The following PAPPA2 variants were observed in gnomAD, a reference collection of about 807,000 sequenced individuals.
PAPPA2 encodes pappalysin 2.
Under a neutral mutation model 176.4 loss-of-function variants are expected in PAPPA2, and 86 were observed. The observed-to-expected ratio is 0.49, with a 90% CI of 0.41 to 0.58. The LOEUF is 0.58. Ranked by LOEUF, PAPPA2 falls within the 20% of genes least tolerant of loss-of-function variation. The pLI, the probability that PAPPA2 is intolerant of heterozygous loss-of-function variation, is 0.00. For synonymous variants in PAPPA2, 809 were observed against 852.2 expected (o/e 0.95, Z 0.88); for missense variants, 2,073 against 2,256.9 (o/e 0.92, Z 1.65).
At chr1:176,759,862 G>T (rs1663608841) in intron 14 of PAPPA2, among the ~76,000 whole-genome samples, 1 of 152,142 alleles carries the variant, frequency 6.6e-6, no homozygotes, top group Non-Finnish European at 1.5e-5. Context: ...ATTGAAAGAT[G>T]CAGGAAGACT....
chr1:176,718,937 T>G (rs911558805), intron 12 of PAPPA2, among the ~76,000 whole-genome samples: 3 of 152,090 alleles, frequency 2.0e-5, no homozygotes, highest in Non-Finnish European at 4.4e-5. Flanking sequence ...ATACTATATA[T>G]ACTTTGTATA....
intron 3 of PAPPA2, among the ~76,000 whole-genome samples, chr1:176,599,203 A>G (rs568992550): frequency 6.7e-6 from 1 of 149,600 alleles, no homozygotes; most frequent in East Asian, 2.0e-4. Context: ...ATATATATAT[A>G]CACACACACA....
intron 17 of PAPPA2, among the ~76,000 whole-genome samples, chr1:176,777,425 C>T (rs944406473): frequency 6.6e-6 from 1 of 151,976 alleles, no homozygotes; most frequent in Non-Finnish European, 1.5e-5. Flanking sequence ...GTCTAGTTCT[C>T]CCTTGAAGAC....
intron 1 of PAPPA2, among the ~76,000 whole-genome samples, chr1:176,465,962 A>G (rs1224257875): frequency 6.6e-6 from 1 of 152,016 alleles, no homozygotes; most frequent in Non-Finnish European, 1.5e-5. Context: ...TCATTCTCCT[A>G]TCAGAGTGCT....
At chr1:176,763,608 C>T (rs1181080640) in intron 14 of PAPPA2, among the ~76,000 whole-genome samples, 3 of 152,180 alleles carry the variant, frequency 2.0e-5, no homozygotes, top group African/African-American at 4.8e-5. Context: ...GGGTAAGAGT[C>T]AGTTTTCCTC....
chr1:176,513,438 C>T (rs1224287779), intron 1 of PAPPA2, among the ~76,000 whole-genome samples: 1 of 152,080 alleles, frequency 6.6e-6, no homozygotes, highest in Admixed American at 6.6e-5. Flanking sequence ...GTCTACCTCT[C>T]CTTCTCTTTT....
chr1:176,492,173 G>A (rs1007397215), intron 1 of PAPPA2, among the ~76,000 whole-genome samples: 5 of 152,182 alleles, frequency 3.3e-5, no homozygotes, highest in African/African-American at 1.2e-4. Flanking sequence ...GGTGCAGAGA[G>A]CCCAGTGCTG....
chr1:176,672,587 G>T (rs1355627892), intron 4 of PAPPA2, among the ~76,000 whole-genome samples: 1 of 151,228 alleles, frequency 6.6e-6, no homozygotes, highest in Middle Eastern at 3.2e-3. Context: ...AAAAAAAAAA[G>T]AAAAGATTGC....
intron 3 of PAPPA2, among the ~76,000 whole-genome samples, chr1:176,633,562 A>G (rs1465215863): frequency 1.3e-5 from 2 of 152,190 alleles, no homozygotes; most frequent in Admixed American, 1.3e-4. Flanking sequence ...TTAATATAAG[A>G]AAATACCATT....
At chr1:176,640,561 T>G (rs1488182028) in intron 3 of PAPPA2, among the ~76,000 whole-genome samples, 1 of 151,688 alleles carries the variant, frequency 6.6e-6, no homozygotes, top group Non-Finnish European at 1.5e-5. Flanking sequence ...GGTGTATATG[T>G]GCCACATTTT....
intron 21 of PAPPA2, among the ~76,000 whole-genome samples, chr1:176,835,454 A>G (rs1052802905): frequency 6.6e-6 from 1 of 152,170 alleles, no homozygotes; most frequent in Non-Finnish European, 1.5e-5. Context: ...TACATTCCCA[A>G]CAACAGTGTG....
At chr1:176,589,043 A>G (rs1229617025) in intron 2 of PAPPA2, among the ~76,000 whole-genome samples, 1 of 152,200 alleles carries the variant, frequency 6.6e-6, no homozygotes, top group Non-Finnish European at 1.5e-5. Flanking sequence ...TCTTTTTGGC[A>G]TAAGCAGCAG....
intron 21 of PAPPA2, among the ~76,000 whole-genome samples, chr1:176,833,039 G>T (rs564056926): frequency 6.6e-6 from 1 of 152,306 alleles, no homozygotes; most frequent in East Asian, 1.9e-4. Flanking sequence ...AGTGATGCAT[G>T]AGAGGCCACA....
intron 1 of PAPPA2, among the ~76,000 whole-genome samples, chr1:176,523,527 GA>G (rs1649315327): frequency 6.6e-6 from 1 of 152,196 alleles, no homozygotes; most frequent in Non-Finnish European, 1.5e-5. Flanking sequence ...ATTTCTGACA[GA>G]AATGATCTGT....
At chr1:176,723,179 T>A (rs941949193) in intron 12 of PAPPA2, among the ~76,000 whole-genome samples, 3 of 152,172 alleles carry the variant, frequency 2.0e-5, no homozygotes, top group Admixed American at 2.0e-4. Flanking sequence ...CCCATGATAA[T>A]GGCATTAATC....
chr1:176,629,722 C>A lies in PAPPA2; in HGVS notation c.1991+34127C>A, dbSNP rs145037156. Among the ~76,000 whole-genome samples, 4 of 152,202 alleles carry A rather than the reference C, an allele frequency of 2.6e-5. No homozygotes were observed. The East Asian group carries it at 7.7e-4, about 29-fold the overall frequency. On this transcript the variant is annotated intron_variant, in intron 3 of 22. Transcript: ENST00000367662. ...CATTATTCATGTATTCTTTAATAAA[C>A]AAGTGTATATTGAACATCCGTGTAT... is the stretch of plus-strand genomic sequence containing the variant.
intron 13 of PAPPA2, 60 bp from the exon 14 acceptor site, chr1:176,739,920 G>A: frequency 6.3e-7 from 1 of 1,591,946 alleles, no homozygotes; most frequent in East Asian, 2.2e-5. Flanking sequence ...ATGAATACAA[G>A]ATATGGAAAC....
At chr1:176,602,374 G>A (rs1351083938) in intron 3 of PAPPA2, among the ~76,000 whole-genome samples, 1 of 152,168 alleles carries the variant, frequency 6.6e-6, no homozygotes, top group African/African-American at 2.4e-5. Flanking sequence ...GAGTCTGCAG[G>A]TATACAATAG....
intron 3 of PAPPA2, among the ~76,000 whole-genome samples, chr1:176,601,373 C>A (rs192811970): frequency 3.5e-4 from 53 of 152,230 alleles, no homozygotes; most frequent in Non-Finnish European, 2.9e-4. Flanking sequence ...GCATTCCTAC[C>A]ACCCCCAGCA....
Sources: gnomAD v4.1 joint callset for allele counts (sites outside exome capture counted in the v4.1 genomes callset) on GRCh38, gnomAD v4.1.1 for gene constraint, MANE v1.5 for transcripts, NCBI Gene and HGNC (gene_info 2026-07-23, HGNC 2026-07-21) for gene names.